Variants in NOVA1 observed in about 807,000 individuals in gnomAD.
NOVA1 encodes NOVA alternative splicing regulator 1.
Under a neutral mutation model 38.0 loss-of-function variants are expected in NOVA1, and 7 were observed. The ratio of observed to expected loss-of-function variants is 0.18; its 90% CI spans 0.10 to 0.35. The LOEUF is 0.35. Ranked by LOEUF, NOVA1 falls within the 10% of genes least tolerant of loss-of-function variation. The pLI is 1.00. For missense variants in NOVA1, 460 were observed against 616.0 expected (o/e 0.75, Z 2.68); for synonymous variants, 270 against 232.5 (o/e 1.16, Z -1.47).
intron 2 of NOVA1, among the ~76,000 whole-genome samples, chr14:26,497,629 G>A (rs1044994032): frequency 6.6e-6 from 1 of 152,080 alleles, no homozygotes; most frequent in African/African-American, 2.4e-5. Context: ...CAAGGACTGA[G>A]GATCAGCTCA....
chr14:26,559,994 AT>A (rs1395152233), intron 2 of NOVA1, among the ~76,000 whole-genome samples: 2 of 152,036 alleles, frequency 1.3e-5, no homozygotes, highest in African/African-American at 4.8e-5. Context: ...TATGTATTAA[AT>A]TATTGTAATA....
At position 26,448,454 on chromosome 14, in the gene NOVA1, C is replaced by T. The variant is rs1882305750; in HGVS notation, c.1029G>A (p.Gly343=). ...GLGLSQAAAT[G]ALAAAAASAN... Reference sequence around the variant, plus strand: ...CACTGGCAGCTGCTGCAGCCAAAGCCCCTGTTGCTGCTGCTTGACTGAGAC... The same window carrying T: ...CACTGGCAGCTGCTGCAGCCAAAGCTCCTGTTGCTGCTGCTTGACTGAGAC... The change falls in exon 5 of 5, where the codon GGG becomes GGA. Residue 343 remains glycine (G), a synonymous_variant. Coordinates refer to ENST00000539517, the MANE Select transcript of NOVA1 (RefSeq NM_002515.3). The surrounding 1 kb of genome is among the most constrained non-coding windows in gnomAD (Gnocchi z 5.3). The T allele has an allele frequency of 6.2e-7, 1 of 1,612,920 alleles. No individual in the cohort carries two copies. The highest frequency in any genetic ancestry group is 8.5e-7 in the Non-Finnish European group (1 of 1,179,838).
At chr14:26,537,922 G>A (rs558453114) in intron 2 of NOVA1, among the ~76,000 whole-genome samples, 24 of 152,290 alleles carry the variant, frequency 1.6e-4, no homozygotes, top group Admixed American at 3.9e-4. Context: ...GAACATGAAT[G>A]ATGAACCTTC....
intron 2 of NOVA1, among the ~76,000 whole-genome samples, chr14:26,579,053 C>CTTT (rs869075814): frequency 0.025 from 2,036 of 80,110 alleles, 213 homozygotes; most frequent in South Asian, 0.043. Flanking sequence ...AGGTGGTATT[C>CTTT]TTTTTTTTTT....
chr14:26,479,125 T>C (rs936141921), intron 3 of NOVA1: 17 of 151,994 alleles, frequency 1.1e-4, no homozygotes, highest in Non-Finnish European at 2.1e-4. Context: ...TGTGAATTAC[T>C]GAAGAATAAT....
intron 2 of NOVA1, among the ~76,000 whole-genome samples, chr14:26,514,981 AC>A (rs959796087): frequency 6.6e-5 from 10 of 151,804 alleles, no homozygotes; most frequent in African/African-American, 2.2e-4. Flanking sequence ...TTATCTTTTT[AC>A]CTACATCTAA....
chr14:26,460,930 C>T (rs1344979833), intron 4 of NOVA1, among the ~76,000 whole-genome samples: 1 of 152,058 alleles, frequency 6.6e-6, no homozygotes. Context: ...TTCTATTGAA[C>T]TGTATACACA....
At chr14:26,533,082 TAA>T (rs1889835945) in intron 2 of NOVA1, among the ~76,000 whole-genome samples, 1 of 152,174 alleles carries the variant, frequency 6.6e-6, no homozygotes, top group Non-Finnish European at 1.5e-5. Context: ...TAGAATATAA[TAA>T]GTCTTTCAAA....
intron 2 of NOVA1, among the ~76,000 whole-genome samples, chr14:26,486,430 C>A (rs950091542): frequency 3.3e-5 from 5 of 151,780 alleles, no homozygotes; most frequent in African/African-American, 1.2e-4. Flanking sequence ...AGGTTCCGGG[C>A]CGGGCATGGT....
chr14:26,543,736 A>C (rs2138609099), intron 2 of NOVA1, among the ~76,000 whole-genome samples: 1 of 152,146 alleles, frequency 6.6e-6, no homozygotes, highest in East Asian at 1.9e-4. Context: ...GTAGTGTAAC[A>C]GGATATTAAA....
chr14:26,494,021 T>G (rs1257928793), intron 2 of NOVA1, among the ~76,000 whole-genome samples: 1 of 152,182 alleles, frequency 6.6e-6, no homozygotes, highest in Non-Finnish European at 1.5e-5. Flanking sequence ...AGACTGCTAT[T>G]CCTCATATTT....
At chr14:26,479,565 T>C (rs1245098496) in intron 3 of NOVA1, 1 of 171,420 alleles carries the variant, frequency 5.8e-6, no homozygotes, top group Non-Finnish European at 1.2e-5. Context: ...CAGGAGCCTC[T>C]ATGCATAATA....
At chr14:26,470,507 A>C in intron 4 of NOVA1, 1 of 1,486,482 alleles carries the variant, frequency 6.7e-7, no homozygotes, top group Non-Finnish European at 9.4e-7. Flanking sequence ...ACAAGAACAG[A>C]AGAAAACAGA....
At chr14:26,466,403 A>C (rs1389080202) in intron 4 of NOVA1, among the ~76,000 whole-genome samples, 3 of 152,188 alleles carry the variant, frequency 2.0e-5, no homozygotes, top group South Asian at 4.1e-4. Context: ...TTAAGATGTC[A>C]ATTAGGTATG....
Position 26,446,754 on chromosome 14 carries a change from C to T in NOVA1, c.*1205G>A, listed in dbSNP as rs1463693174. The T allele has an allele frequency of 2.0e-5, 3 of 152,610 alleles. No homozygotes were observed. Among genetic ancestry groups the T allele is most frequent in the Non-Finnish European group, 4.4e-5 (3 of 68,078 alleles). 9.5% of individuals were successfully genotyped at this position (152,610 alleles called of 1,614,324 possible). On this transcript the variant is annotated 3_prime_UTR_variant, in exon 5 of 5. Transcript: ENST00000539517. ...AAAGGCTTACTCTGAAATGACCTGT[C>T]AAAAAGCCTGACAAAGGTAGATAAC...
chr14:26,474,674 G>A (rs1011150121), intron 3 of NOVA1, among the ~76,000 whole-genome samples: 19 of 151,794 alleles, frequency 1.3e-4, no homozygotes, highest in African/African-American at 4.3e-4. Flanking sequence ...TAAACTTTTG[G>A]TTGGTAAACA....
At chr14:26,458,331 T>C (rs1217660149) in intron 4 of NOVA1, among the ~76,000 whole-genome samples, 1 of 152,146 alleles carries the variant, frequency 6.6e-6, no homozygotes, top group Non-Finnish European at 1.5e-5. Context: ...ACTGGGTATA[T>C]ATATACAAAG....
rs1443811663 is a variant in NOVA1, at chr14:26,597,690, G to A, written c.-254C>T. 8.6e-7 allele frequency: 1 copy of A among 1,168,492 alleles called. No individual in the cohort carries two copies. Among genetic ancestry groups the A allele is most frequent in the Non-Finnish European group, 1.1e-6 (1 of 950,534 alleles). 72.4% of individuals were successfully genotyped at this position (1,168,492 alleles called of 1,614,324 possible). A position where few individuals can be genotyped will look rare whatever the true frequency, so the allele number is the denominator to read the frequency against. On this transcript the variant is annotated 5_prime_UTR_variant, in exon 1 of 5. Coordinates refer to ENST00000539517, the MANE Select transcript of NOVA1 (RefSeq NM_002515.3). Reference sequence around the variant, plus strand: ...AAGGAGACAGGGGAATGGAGGGGGTGTGAGAGACGGAGGGTGAAAGAAGAA... The same window carrying A: ...AAGGAGACAGGGGAATGGAGGGGGTATGAGAGACGGAGGGTGAAAGAAGAA...
chr14:26,486,723 CCAAA>C (rs1258055116), intron 2 of NOVA1, among the ~76,000 whole-genome samples: 1 of 78,462 alleles, frequency 1.3e-5, no homozygotes, highest in Non-Finnish European at 3.2e-5. Context: ...AAAAAAAAAG[CCAAA>C]CAAACAAAAA....
Sources: gnomAD v4.1 joint callset for allele counts (sites outside exome capture counted in the v4.1 genomes callset) on GRCh38, gnomAD v4.1.1 for gene constraint, Gnocchi (gnomAD v3.1) non-coding constraint, MANE v1.5 for transcripts, NCBI Gene and HGNC (gene_info 2026-07-23, HGNC 2026-07-21) for gene names.